TNRC18: variants seen among roughly 807,000 people sequenced by gnomAD.
TNRC18 encodes the protein trinucleotide repeat containing 18.
A neutral mutation model predicts 226.7 loss-of-function variants in TNRC18; 69 were observed. The ratio of observed to expected loss-of-function variants is 0.30; its 90% CI spans 0.25 to 0.37. TNRC18 has a LOEUF of 0.37. Ranked by LOEUF, TNRC18 falls within the 10% of genes least tolerant of loss-of-function variation. The pLI, the probability that TNRC18 is intolerant of heterozygous loss-of-function variation, is 1.00. For synonymous variants in TNRC18, 2,449 were observed against 1,927.6 expected (o/e 1.27, Z -7.09); for missense variants, 4,754 against 4,256.6 (o/e 1.12, Z -3.25).
Position 5,313,610 on chromosome 7 carries a change from G to A in TNRC18, c.7281C>T (p.Leu2427=). The A allele has an allele frequency of 6.2e-7, 1 of 1,603,404 alleles. No homozygotes were observed. Among genetic ancestry groups the A allele is most frequent in the Non-Finnish European group, 8.5e-7 (1 of 1,175,928 alleles). ...APATSLAPAP[L]ITMPATRPKP... ...TGGGGCGTGTGGCAGGCATGGTGAT[G>A]AGGGGTGCTGGGGCCAGGGAGGTGG... The change falls in exon 27 of 30, where the codon CTC becomes CTT. Residue 2427 remains leucine (L), a synonymous_variant. Coordinates refer to ENST00000430969, the MANE Select transcript of TNRC18 (RefSeq NM_001080495.3).
rs1179284195 is a variant in TNRC18, at chr7:5,387,792, G to A, written c.2032C>T (p.Arg678Ter). The A allele has an allele frequency of 1.2e-6, 2 of 1,607,168 alleles. No homozygotes were observed. Among genetic ancestry groups the A allele is most frequent in the Non-Finnish European group, 1.7e-6 (2 of 1,179,732 alleles). ...GSGAQGEAEV[R>*]HPPVGIAVAV... ...ACTGCAATGCCCACAGGCGGGTGTC[G>A]CACTTCTGCCTCACCCTGGGCACCA... The change falls in exon 5 of 30, where the codon CGA (arginine) becomes TGA (stop). Residue 678 changes from arginine (R) to a stop codon, truncating the protein, a stop_gained. Transcript: ENST00000430969. LOFTEE classifies it high-confidence loss of function.
In TNRC18 at chr7:5,308,315, G is replaced by A; in HGVS notation, c.8701-3C>T. The A allele has an allele frequency of 1.2e-6, 2 of 1,606,688 alleles. No individual in the cohort carries two copies. Among genetic ancestry groups the A allele is most frequent in the Non-Finnish European group, 1.7e-6 (2 of 1,176,768 alleles). Reference sequence around the variant, plus strand: ...TGCGAGGACTGGTATAGCGCGCGCTGCGGGCACGCGGGGATATCAGGATGG... The same window carrying A: ...TGCGAGGACTGGTATAGCGCGCGCTACGGGCACGCGGGGATATCAGGATGG... On this transcript the variant is annotated splice_region_variant and splice_polypyrimidine_tract_variant and intron_variant, in intron 29 of 29. Coordinates refer to ENST00000430969, the MANE Select transcript of TNRC18 (RefSeq NM_001080495.3).
chr7:5,368,024 G>C (rs1316170752), intron 11 of TNRC18, among the ~76,000 whole-genome samples: 6 of 144,504 alleles, frequency 4.2e-5, no homozygotes, highest in Non-Finnish European at 7.5e-5. Context: ...TTTCTTCAAG[G>C]ATAACCATCA....
At chr7:5,327,297 G>A (rs550614685) in intron 19 of TNRC18, among the ~76,000 whole-genome samples, 16 of 152,172 alleles carry the variant, frequency 1.1e-4, no homozygotes, top group African/African-American at 2.7e-4. Flanking sequence ...ACAAAAAATG[G>A]TATGTTCTAG....
At position 5,340,155 on chromosome 7, in the gene TNRC18, G is replaced by C. The variant is rs192839362; in HGVS notation, c.5719+5407C>G. Among the ~76,000 whole-genome samples, 17 of 152,352 alleles carry C rather than the reference G, an allele frequency of 1.1e-4. No individual in the cohort carries two copies. In the East Asian group the frequency reaches 3.3e-3, roughly 29 times the overall value. On this transcript the variant is annotated intron_variant, in intron 18 of 29. Transcript: ENST00000430969. Reference sequence around the variant, plus strand: ...AGATAGCCTAGAAGCAAGGCCTCTTGTGCCAAACTGCCAGGCTGTGAATGC... The same window carrying C: ...AGATAGCCTAGAAGCAAGGCCTCTTCTGCCAAACTGCCAGGCTGTGAATGC...
At position 5,371,326 on chromosome 7, in the gene TNRC18, G is replaced by C; in HGVS notation, c.3268C>G (p.His1090Asp). 1 of 1,532,444 alleles carries C rather than the reference G, an allele frequency of 6.5e-7. No homozygotes were observed. Among genetic ancestry groups the C allele is most frequent in the Non-Finnish European group, 8.7e-7 (1 of 1,144,662 alleles). The allele number at this position is 1,532,444 out of a possible 1,614,324, so 94.9% of individuals were successfully genotyped here. Reference protein sequence around the residue: ...PRYPFQALPPHYGRPYPFLLQ... With the variant: ...PRYPFQALPPDYGRPYPFLLQ... ...AGGAAAGGGTAGGGCCTCCCGTAGT[G>C]CGGTGGCAGGGCTTGGAACGGGTAC... The change falls in exon 11 of 30, where the codon CAC becomes GAC. Residue 1090 changes from histidine to aspartate, a missense_variant. Coordinates refer to ENST00000430969, the MANE Select transcript of TNRC18 (RefSeq NM_001080495.3).
At chr7:5,398,263 C>T (rs1396938928) in intron 2 of TNRC18, among the ~76,000 whole-genome samples, 3 of 152,092 alleles carry the variant, frequency 2.0e-5, no homozygotes, top group East Asian at 1.9e-4. Flanking sequence ...TTCCGCCACC[C>T]GGGTTCAAGT....
Position 5,374,379 on chromosome 7 carries a change from CG to C in TNRC18, c.2904del (p.Leu970CysfsTer21). Reference protein sequence around the residue: ...AGKAGLATAGPGLLPRKPPGL... With the variant: ...AGKAGLATAGXGLLPRKPPGL... ...CCAGGGGGCTTCCGCGGCAGCAGCC[CG>C]GGGCCGGCGGTGGCCAGGCCAGCCT... On this transcript the variant is annotated frameshift_variant, in exon 10 of 30. Coordinates refer to ENST00000430969, the MANE Select transcript of TNRC18 (RefSeq NM_001080495.3). LOFTEE classifies it high-confidence loss of function. The C allele has an allele frequency of 6.6e-7, 1 of 1,504,136 alleles. No individual in the cohort carries two copies. Among genetic ancestry groups the C allele is most frequent in the Non-Finnish European group, 8.9e-7 (1 of 1,128,314 alleles). The allele number at this position is 1,504,136 out of a possible 1,614,324, so 93.2% of individuals were successfully genotyped here. A position where few individuals can be genotyped will look rare whatever the true frequency, so the allele number is the denominator to read the frequency against.
chr7:5,337,236 G>GAA (rs113053048), intron 18 of TNRC18, among the ~76,000 whole-genome samples: 34 of 134,548 alleles, frequency 2.5e-4, no homozygotes, highest in Admixed American at 1.1e-3. Flanking sequence ...AGGACTCAAA[G>GAA]AAAAAAAAAA....
At chr7:5,355,220 A>C (rs1413587149) in intron 16 of TNRC18, among the ~76,000 whole-genome samples, 1 of 152,250 alleles carries the variant, frequency 6.6e-6, no homozygotes, top group Non-Finnish European at 1.5e-5. Context: ...CCTGCCAGGC[A>C]GCAGGTTCTG....
intron 16 of TNRC18, among the ~76,000 whole-genome samples, chr7:5,356,535 C>T (rs1792405603): frequency 6.6e-6 from 1 of 152,264 alleles, no homozygotes; most frequent in South Asian, 2.1e-4. Context: ...CAGTCGCGCT[C>T]CAGGCCTCTC....
Position 5,370,712 on chromosome 7 carries a change from T to C in TNRC18, c.3882A>G (p.Ser1294=), listed in dbSNP as rs1489663208. Residue 1294 remains serine, a synonymous_variant, in exon 11 of 30, where the codon TCA becomes TCG. Coordinates refer to ENST00000430969, the MANE Select transcript of TNRC18 (RefSeq NM_001080495.3). ...PSESQPTLEM[S]DCDVPAGEGQ... ...CCTCCCCGGCGGGCACGTCACAGTC[T>C]GACATTTCTAGGGTGGGCTGGGACT... The C allele has an allele frequency of 6.2e-7, 1 of 1,609,732 alleles. No homozygotes were observed. Among genetic ancestry groups the C allele is most frequent in the Admixed American group, 1.7e-5 (1 of 59,490 alleles).
At chr7:5,384,952 A>C (rs927710088) in intron 5 of TNRC18, among the ~76,000 whole-genome samples, 9 of 152,228 alleles carry the variant, frequency 5.9e-5, no homozygotes, top group African/African-American at 2.2e-4. Context: ...GAATTCCAAG[A>C]CAAGCCTGAC....
intron 4 of TNRC18, chr7:5,390,115 G>A: frequency 4.9e-6 from 2 of 409,440 alleles, no homozygotes. Context: ...TGTAATCCCA[G>A]CACTTTGGAA....
intron 3 of TNRC18, among the ~76,000 whole-genome samples, chr7:5,390,930 T>G (rs551344653): frequency 6.6e-6 from 1 of 152,238 alleles, no homozygotes; most frequent in Non-Finnish European, 1.5e-5. Flanking sequence ...GCTTTGCCAC[T>G]GTCATCCTCA....
rs936594088 is a variant in TNRC18, at chr7:5,332,567, C to T, written c.6147+55G>A. The T allele has an allele frequency of 4.1e-6, 6 of 1,470,188 alleles. No individual in the cohort carries two copies. The Admixed American group carries it at 8.7e-5, about 21-fold the overall frequency. The allele number at this position is 1,470,188 out of a possible 1,614,324, so 91.1% of individuals were successfully genotyped here. ...AGGCTGGGAGGGGAGAGGGCCCCTC[C>T]CTCACGGAACCCCAGGGACCCTTCT... On this transcript the variant is annotated intron_variant, in intron 19 of 29. Coordinates refer to ENST00000430969, the MANE Select transcript of TNRC18 (RefSeq NM_001080495.3).
chr7:5,315,704 G>A lies in TNRC18; in HGVS notation c.6862+252C>T, dbSNP rs181073957. Among the ~76,000 whole-genome samples the A allele has an allele frequency of 1.4e-4, 22 of 152,324 alleles. No individual in the cohort carries two copies. In the East Asian group the frequency reaches 4.1e-3, roughly 28 times the overall value. ...CCCAAAGTGCTAGGATTACAGGCGT[G>A]AGCCACCGCACCCAGCCATTAACAA... On this transcript the variant is annotated intron_variant, in intron 25 of 29. Transcript: ENST00000430969.
Position 5,336,063 on chromosome 7 carries a change from T to C in TNRC18, c.5720-3014A>G, listed in dbSNP as rs887769779. 2.0e-5 allele frequency among the ~76,000 whole-genome samples: 3 copies of C among 152,002 alleles called. No homozygotes were observed. The East Asian group carries it at 5.8e-4, about 30-fold the overall frequency. ...CTCTACAAAAAATACAAAAATTATC[T>C]GGGCGTGGTGGCATGCATCTGTAAT... On this transcript the variant is annotated intron_variant, in intron 18 of 29. Coordinates refer to ENST00000430969, the MANE Select transcript of TNRC18 (RefSeq NM_001080495.3).
In TNRC18 at chr7:5,388,326, GC is replaced by G; in HGVS notation, c.1497del (p.Arg500AlafsTer90). ...QAAKLFGLEPGRPPPTGPEHK... is the reference protein window; with the variant it reads ...QAAKLFGLEPXRPPPTGPEHK... ...TGCTCAGGGCCGGTGGGCGGGGGGCGCCCGGGCTCCAGGCCGAAGAGCTTGG... is the reference window on the plus strand; with the variant it reads ...TGCTCAGGGCCGGTGGGCGGGGGGCGCCGGGCTCCAGGCCGAAGAGCTTGG... On this transcript the variant is annotated frameshift_variant, in exon 5 of 30. Coordinates refer to ENST00000430969, the MANE Select transcript of TNRC18 (RefSeq NM_001080495.3). LOFTEE classifies it high-confidence loss of function. 1 of 913,202 alleles carries G rather than the reference GC, an allele frequency of 1.1e-6. No homozygotes were observed. Among genetic ancestry groups the G allele is most frequent in the Non-Finnish European group, 1.7e-6 (1 of 597,058 alleles). The allele number at this position is 913,202 out of a possible 1,614,324, so 56.6% of individuals were successfully genotyped here. A position where few individuals can be genotyped will look rare whatever the true frequency, so the allele number is the denominator to read the frequency against.
Sources: allele counts gnomAD v4.1 joint callset (sites outside exome capture counted in the v4.1 genomes callset), GRCh38; gene constraint gnomAD v4.1.1; transcripts MANE v1.5; gene names NCBI Gene and HGNC (gene_info 2026-07-23, HGNC 2026-07-21).